The following WWOX variants were observed in gnomAD, a reference collection of about 807,000 sequenced individuals.
WWOX encodes the protein WW domain containing oxidoreductase, also known as WW domain-containing oxidoreductase.
In WWOX, 69 loss-of-function variants were observed where a neutral mutation model predicts 46.2. The observed-to-expected ratio is 1.49, with a 90% CI of 1.23 to 1.82. The LOEUF is 1.82. WWOX is among the 40% of genes most tolerant of loss of function. The probability of loss-of-function intolerance (pLI) is 0.00; values close to 1 mark genes in which losing one functional copy is unlikely to be tolerated. For synonymous variants in WWOX, 359 were observed against 202.6 expected (o/e 1.77, Z -6.56); for missense variants, 919 against 542.6 (o/e 1.69, Z -6.89).
intron 8 of WWOX, among the ~76,000 whole-genome samples, chr16:78,714,965 G>A (rs752135265): frequency 5.3e-5 from 8 of 152,124 alleles, no homozygotes; most frequent in Non-Finnish European, 8.8e-5. Context: ...TGCGGCTGAG[G>A]ACAACACTAT....
At chr16:78,490,474 G>A (rs758949849) in intron 8 of WWOX, among the ~76,000 whole-genome samples, 4 of 152,076 alleles carry the variant, frequency 2.6e-5, no homozygotes, top group African/African-American at 4.8e-5. Context: ...TGTAGTTCCC[G>A]CAAATCTATT....
chr16:78,960,485 A>G (rs2046251938), intron 8 of WWOX, among the ~76,000 whole-genome samples: 1 of 152,216 alleles, frequency 6.6e-6, no homozygotes, highest in South Asian at 2.1e-4. Flanking sequence ...TTTAGCTTAA[A>G]TCTACTGGAG....
chr16:78,997,419 A>T, intron 8 of WWOX, among the ~76,000 whole-genome samples: 1 of 152,160 alleles, frequency 6.6e-6, no homozygotes, highest in East Asian at 1.9e-4. Context: ...ATTTTTTAAA[A>T]AATAGGTTTG....
chr16:78,144,450 C>CGTATATATATATATATAT (rs1555543046), intron 4 of WWOX, among the ~76,000 whole-genome samples: 1 of 24,926 alleles, frequency 4.0e-5, no homozygotes, highest in African/African-American at 1.2e-4. Flanking sequence ...TATATATACA[C>CGTATATATATATATATAT]ATATATATAT....
chr16:78,704,320 A>C (rs2048288024), intron 8 of WWOX, among the ~76,000 whole-genome samples: 1 of 152,162 alleles, frequency 6.6e-6, no homozygotes, highest in Admixed American at 6.5e-5. Flanking sequence ...GGTGAAACTT[A>C]AGATGTCAGC....
In WWOX at chr16:78,527,277, T is replaced by G. The variant is rs2043495756; in HGVS notation, c.1056+94525T>G. On this transcript the variant is annotated intron_variant, in intron 8 of 8. Transcript: ENST00000566780. ...AAGCCACCTTTCCATTTGACTTGTATCTCGCTCTTTTTTTCTTTCTTTTTT... is the reference window on the plus strand; with the variant it reads ...AAGCCACCTTTCCATTTGACTTGTAGCTCGCTCTTTTTTTCTTTCTTTTTT... 2.0e-5 allele frequency among the ~76,000 whole-genome samples: 3 copies of G among 149,246 alleles called. No homozygotes were observed. In the South Asian group the frequency reaches 6.5e-4, roughly 32 times the overall value.
chr16:78,764,892 A>T (rs1259253835), intron 8 of WWOX, among the ~76,000 whole-genome samples: 1 of 152,112 alleles, frequency 6.6e-6, no homozygotes, highest in East Asian at 1.9e-4. Flanking sequence ...TTTTTAAAAT[A>T]ACTTTTAAAA....
chr16:79,201,299 C>G (rs1368808281), intron 8 of WWOX, among the ~76,000 whole-genome samples: 1 of 151,868 alleles, frequency 6.6e-6, no homozygotes, highest in Non-Finnish European at 1.5e-5. Context: ...TAGAAAGGGC[C>G]TCTCCCTTCC....
intron 8 of WWOX, among the ~76,000 whole-genome samples, chr16:79,079,946 A>G (rs930642563): frequency 1.8e-4 from 14 of 76,808 alleles, no homozygotes; most frequent in South Asian, 3.5e-4. Context: ...ACCCCCTGGG[A>G]TGCTGATTAA....
At chr16:78,367,277 C>A (rs1294568110) in intron 5 of WWOX, among the ~76,000 whole-genome samples, 1 of 152,148 alleles carries the variant, frequency 6.6e-6, no homozygotes, top group Non-Finnish European at 1.5e-5. Flanking sequence ...CCGCACCCAG[C>A]CGAAAAGTTA....
chr16:78,773,445 A>G (rs1217736363), intron 8 of WWOX, among the ~76,000 whole-genome samples: 1 of 152,176 alleles, frequency 6.6e-6, no homozygotes, highest in Non-Finnish European at 1.5e-5. Flanking sequence ...CCCTCGGGAC[A>G]TTCCTCCCTC....
intron 6 of WWOX, among the ~76,000 whole-genome samples, chr16:78,410,309 C>G (rs1005772393): frequency 1.3e-5 from 2 of 152,302 alleles, no homozygotes; most frequent in African/African-American, 2.4e-5. Context: ...GCAAGAATAG[C>G]TTAACACACA....
At chr16:78,541,473 C>CAAAAAAAAA (rs59900108) in intron 8 of WWOX, among the ~76,000 whole-genome samples, 1 of 45,146 alleles carries the variant, frequency 2.2e-5, no homozygotes, top group African/African-American at 1.1e-4. Context: ...GACTCCGTCT[C>CAAAAAAAAA]AAAAAAAAAA....
intron 8 of WWOX, among the ~76,000 whole-genome samples, chr16:78,995,414 C>G (rs935299110): frequency 6.6e-6 from 1 of 152,082 alleles, no homozygotes; most frequent in Non-Finnish European, 1.5e-5. Context: ...GAAAAGAAAG[C>G]CTTCCTTTTT....
In WWOX at chr16:78,425,611, T is replaced by A. The variant is rs370680306; in HGVS notation, c.791+556T>A. ...GATGGCACTTTTTTCCTATTGCCATTAGGAGAATATTCAATTGACTGAAAA... is the reference window on the plus strand; with the variant it reads ...GATGGCACTTTTTTCCTATTGCCATAAGGAGAATATTCAATTGACTGAAAA... On this transcript the variant is annotated intron_variant, in intron 7 of 8. Coordinates refer to ENST00000566780, the MANE Select transcript of WWOX (RefSeq NM_016373.4). 2.6e-5 allele frequency among the ~76,000 whole-genome samples: 4 copies of A among 152,206 alleles called. No individual in the cohort carries two copies. The South Asian group carries it at 6.2e-4, about 24-fold the overall frequency.
intron 5 of WWOX, among the ~76,000 whole-genome samples, chr16:78,220,071 A>G (rs1428008607): frequency 6.6e-6 from 1 of 152,144 alleles, no homozygotes; most frequent in Admixed American, 6.5e-5. Flanking sequence ...CCCCCTGTAG[A>G]ATGGGAGGTA....
At chr16:78,144,523 ATTTTTT>A (rs138841166) in intron 4 of WWOX, among the ~76,000 whole-genome samples, 5 of 18,630 alleles carry the variant, frequency 2.7e-4, no homozygotes, top group East Asian at 2.0e-3. Flanking sequence ...ATATATATAT[ATTTTTT>A]TTTTTTTTTG....
chr16:78,508,919 T>G (rs1003699333), intron 8 of WWOX, among the ~76,000 whole-genome samples: 1 of 152,228 alleles, frequency 6.6e-6, no homozygotes, highest in Admixed American at 6.5e-5. Flanking sequence ...CTGTTACATC[T>G]GCATCATGTA....
At chr16:78,460,304 T>G (rs1653176682) in intron 8 of WWOX, among the ~76,000 whole-genome samples, 1 of 152,080 alleles carries the variant, frequency 6.6e-6, no homozygotes, top group South Asian at 2.1e-4. Context: ...GTTTTTCTAT[T>G]TTTAGTAGAG....
Sources: gnomAD v4.1 joint callset for allele counts (sites outside exome capture counted in the v4.1 genomes callset) on GRCh38, gnomAD v4.1.1 for gene constraint, MANE v1.5 for transcripts, NCBI Gene and HGNC (gene_info 2026-07-23, HGNC 2026-07-21) for gene names.